Variants in BMP2 observed in about 807,000 individuals in gnomAD.
BMP2 encodes bone morphogenetic protein 2A.
BMP2 carries 2 observed loss-of-function variants against 28.8 expected under a neutral mutation model. That is an observed-to-expected ratio of 0.07 (90% confidence interval 0.03 to 0.22). The LOEUF (loss-of-function observed/expected upper bound fraction) is 0.22. BMP2 is among the 10% of genes least tolerant of loss of function. The probability of loss-of-function intolerance (pLI) is 1.00; values close to 1 mark genes in which losing one functional copy is unlikely to be tolerated. For synonymous variants in BMP2, 218 were observed against 204.3 expected (o/e 1.07, Z -0.57); for missense variants, 437 against 517.7 (o/e 0.84, Z 1.51).
chr20:6,771,474 A>G (rs548587029), intron 2 of BMP2, among the ~76,000 whole-genome samples: 1 of 152,186 alleles, frequency 6.6e-6, no homozygotes, highest in Non-Finnish European at 1.5e-5. Context: ...CACTTGGCAG[A>G]TATTTGGGGA....
intron 2 of BMP2, among the ~76,000 whole-genome samples, chr20:6,774,015 T>A (rs1210354511): frequency 1.3e-5 from 2 of 152,188 alleles, no homozygotes; most frequent in East Asian, 3.8e-4. Flanking sequence ...TGGCTCCTTA[T>A]AAAATAGACA....
At chr20:6,775,168 C>A (rs1986473461) in intron 2 of BMP2, among the ~76,000 whole-genome samples, 1 of 152,082 alleles carries the variant, frequency 6.6e-6, no homozygotes, top group Non-Finnish European at 1.5e-5. Flanking sequence ...ACTTGAGGAT[C>A]CATATATTTT....
In BMP2 at chr20:6,767,903, G is replaced by T. The variant is rs1323936176; in HGVS notation, c.-980G>T. The stretch of plus-strand genomic sequence containing the variant: ...GGCACCCGCGCGCCGCAGACCCCGC[G>T]CGGGCTGGAGCACCCGGCAGAGCGC... On this transcript the variant is annotated 5_prime_UTR_variant, in exon 1 of 3. Transcript: ENST00000378827. 2 of 375,758 alleles carry T rather than the reference G, an allele frequency of 5.3e-6. No homozygotes were observed. The highest frequency in any genetic ancestry group is 4.6e-5 in the Admixed American group (1 of 21,860). 23.3% of individuals were successfully genotyped at this position (375,758 alleles called of 1,614,324 possible).
At chr20:6,769,613 GT>G (rs1182714517) in intron 1 of BMP2, among the ~76,000 whole-genome samples, 4 of 2,554 alleles carry the variant, frequency 1.6e-3, no homozygotes, top group South Asian at 0.024. Context: ...AGCTATAAGG[GT>G]GTGTGTGTGT....
At position 6,768,085 on chromosome 20, in the gene BMP2, G is replaced by A; in HGVS notation, c.-798G>A. The A allele has an allele frequency of 2.5e-6, 1 of 398,300 alleles. No individual in the cohort carries two copies. The highest frequency in any genetic ancestry group is 1.3e-4 in the South Asian group (1 of 7,864). 24.7% of individuals were successfully genotyped at this position (398,300 alleles called of 1,614,324 possible). On this transcript the variant is annotated 5_prime_UTR_variant, in exon 1 of 3. Transcript: ENST00000378827. The stretch of plus-strand genomic sequence containing the variant: ...GGACGCGCTGGCCGAGGTGTGATCG[G>A]ACCCCAGGCTAGCCACAAAGGGCAC...
intron 2 of BMP2, among the ~76,000 whole-genome samples, chr20:6,772,027 A>C (rs1231397627): frequency 6.6e-6 from 1 of 152,172 alleles, no homozygotes; most frequent in Non-Finnish European, 1.5e-5. Flanking sequence ...TTAGCATGGA[A>C]GCTCTCAACT....
At position 6,768,537 on chromosome 20, in the gene BMP2, T is replaced by C. The variant is rs1986311460; in HGVS notation, c.-346T>C. On this transcript the variant is annotated 5_prime_UTR_variant, in exon 1 of 3. Coordinates refer to ENST00000378827, the MANE Select transcript of BMP2 (RefSeq NM_001200.4). The stretch of plus-strand genomic sequence containing the variant: ...CCCGCACTCCTCCCCCTGCTCGCTG[T>C]TGTTGTGTGTCAGCACTTGGCTGGG... 2.7e-6 allele frequency: 1 copy of C among 375,676 alleles called. No individual in the cohort carries two copies. Among genetic ancestry groups the C allele is most frequent in the Non-Finnish European group, 4.8e-6 (1 of 210,290 alleles). The allele number at this position is 375,676 out of a possible 1,614,324, so 23.3% of individuals were successfully genotyped here. A position where few individuals can be genotyped will look rare whatever the true frequency, so the allele number is the denominator to read the frequency against.
intron 2 of BMP2, among the ~76,000 whole-genome samples, chr20:6,775,401 C>T (rs557004317): frequency 4.8e-4 from 73 of 152,252 alleles, no homozygotes; most frequent in African/African-American, 1.6e-3. Context: ...TTTCTGCAAC[C>T]AGGGGTGTTG....
chr20:6,777,583 TAC>T (rs1368105238), intron 2 of BMP2, among the ~76,000 whole-genome samples: 2 of 152,192 alleles, frequency 1.3e-5, no homozygotes, highest in Admixed American at 1.3e-4. Flanking sequence ...CCTTAATTAC[TAC>T]AGTGTCCTAG....
intron 2 of BMP2, among the ~76,000 whole-genome samples, chr20:6,773,538 G>A (rs145113117): frequency 2.2e-4 from 33 of 152,160 alleles, no homozygotes; most frequent in East Asian, 7.7e-4. Context: ...ACTATTTTGC[G>A]TTCTTAGACT....
chr20:6,770,770 T>G (rs1455587329), intron 2 of BMP2, among the ~76,000 whole-genome samples: 1 of 152,194 alleles, frequency 6.6e-6, no homozygotes, highest in Non-Finnish European at 1.5e-5. Flanking sequence ...GCAAAAGGCA[T>G]GCCTCTAGTC....
Position 6,770,201 on chromosome 20 carries a change from T to C in BMP2, c.75T>C (p.Val25=), listed in dbSNP as rs1672119191. Residue 25 remains valine (V), a synonymous_variant, in exon 2 of 3, where the codon GTT becomes GTC. Transcript: ENST00000378827. ...QVLLGGAAGL[V]PELGRRKFAA... ...TCCTGGGCGGCGCGGCTGGCCTCGT[T>C]CCGGAGCTGGGCCGCAGGAAGTTCG... The C allele has an allele frequency of 2.5e-6, 4 of 1,589,902 alleles. No homozygotes were observed. The highest frequency in any genetic ancestry group is 3.3e-4 in the Middle Eastern group (2 of 6,060).
chr20:6,771,322 T>C (rs767727600), intron 2 of BMP2, among the ~76,000 whole-genome samples: 20 of 152,220 alleles, frequency 1.3e-4, no homozygotes, highest in Non-Finnish European at 2.2e-4. Context: ...CCTAAGTTCT[T>C]AGAGCAATTA....
At position 6,778,190 on chromosome 20, in the gene BMP2, C is replaced by A. The variant is rs937357868; in HGVS notation, c.347-55C>A. The A allele has an allele frequency of 1.4e-5, 21 of 1,528,144 alleles. No homozygotes were observed. Among genetic ancestry groups the A allele is most frequent in the Non-Finnish European group, 1.8e-5 (21 of 1,144,078 alleles). The allele number at this position is 1,528,144 out of a possible 1,614,324, so 94.7% of individuals were successfully genotyped here. On this transcript the variant is annotated intron_variant, in intron 2 of 2. Coordinates refer to ENST00000378827, the MANE Select transcript of BMP2 (RefSeq NM_001200.4). This position sits in a 1 kb window ranked among gnomAD's most constrained non-coding sequence, Gnocchi z 5.0. The stretch of plus-strand genomic sequence containing the variant: ...TAGATAATCAAACGTCATTACTTGG[C>A]TTACTGAAATTCAGACTTTTCTTTT...
chr20:6,771,961 T>A (rs1182969886), intron 2 of BMP2, among the ~76,000 whole-genome samples: 2 of 152,236 alleles, frequency 1.3e-5, no homozygotes, highest in African/African-American at 4.8e-5. Flanking sequence ...AGAATACTTT[T>A]TTTTTTGTAT....
At chr20:6,770,868 T>C (rs1986385239) in intron 2 of BMP2, among the ~76,000 whole-genome samples, 2 of 152,212 alleles carry the variant, frequency 1.3e-5, no homozygotes, top group Non-Finnish European at 1.5e-5. Flanking sequence ...AAGCTTTTGC[T>C]CTATAAATCT....
At chr20:6,774,361 A>G (rs1229428572) in intron 2 of BMP2, among the ~76,000 whole-genome samples, 1 of 152,044 alleles carries the variant, frequency 6.6e-6, no homozygotes, top group Non-Finnish European at 1.5e-5. Context: ...CCACATCTCT[A>G]CTAAAATATA....
intron 2 of BMP2, among the ~76,000 whole-genome samples, chr20:6,771,542 G>C (rs1255330692): frequency 1.3e-5 from 2 of 152,090 alleles, no homozygotes; most frequent in South Asian, 4.2e-4. Context: ...ATTTCAAGTG[G>C]GAAATTTACA....
Position 6,778,813 on chromosome 20 carries a change from C to G in BMP2, c.915C>G (p.Phe305Leu). 1 of 1,614,178 alleles carries G rather than the reference C, an allele frequency of 6.2e-7. No individual in the cohort carries two copies. The change falls in exon 3 of 3, where the codon TTC (phenylalanine) becomes TTG (leucine). Residue 305 changes from phenylalanine to leucine, a missense_variant. Around this residue, in one of 2 missense-constraint regions of BMP2, gnomAD observed 74 missense variants for 124.9 expected, o/e 0.59. Coordinates refer to ENST00000378827, the MANE Select transcript of BMP2 (RefSeq NM_001200.4). The surrounding 1 kb of genome is among the most constrained non-coding windows in gnomAD (Gnocchi z 5.0). Reference sequence around the variant, plus strand: ...AGAGACACCCTTTGTACGTGGACTTCAGTGACGTGGGGTGGAATGACTGGA... The same window carrying G: ...AGAGACACCCTTTGTACGTGGACTTGAGTGACGTGGGGTGGAATGACTGGA... ...SCKRHPLYVD[F>L]SDVGWNDWIV...
Sources: allele counts gnomAD v4.1 joint callset (sites outside exome capture counted in the v4.1 genomes callset), GRCh38; gene constraint gnomAD v4.1.1; regional missense constraint gnomAD v4.1.1; non-coding constraint Gnocchi (gnomAD v3.1); transcripts MANE v1.5; gene names NCBI Gene and HGNC (gene_info 2026-07-23, HGNC 2026-07-21).